The following ATAD3B variants were observed in gnomAD, a reference collection of about 807,000 sequenced individuals.
The protein encoded by ATAD3B is ATPase family AAA domain containing 3B.
Under a neutral mutation model 70.2 loss-of-function variants are expected in ATAD3B, and 59 were observed. The ratio of observed to expected loss-of-function variants is 0.84; its 90% CI spans 0.68 to 1.04. ATAD3B has a LOEUF of 1.04. Ranked by LOEUF, ATAD3B falls within the 50% of genes least tolerant of loss-of-function variation. The probability of loss-of-function intolerance (pLI) is 0.00; values close to 1 mark genes in which losing one functional copy is unlikely to be tolerated. For missense variants in ATAD3B, 961 were observed against 913.4 expected (o/e 1.05, Z -0.67); for synonymous variants, 423 against 388.6 (o/e 1.09, Z -1.04).
In ATAD3B at chr1:1,495,686, T is replaced by C. The variant is rs150201453; in HGVS notation, c.1816T>C (p.Cys606Arg). 1.8e-3 allele frequency: 2,881 copies of C among 1,612,988 alleles called. 22 individuals carry two copies. The highest frequency in any genetic ancestry group is 2.3e-3 in the Non-Finnish European group (2,704 of 1,179,346). Residue 606 changes from cysteine (C) to arginine (R), a missense_variant, in exon 16 of 16, where the codon TGC (cysteine) becomes CGC (arginine). Physicochemically the swap from Cys to Arg is radical, Grantham distance 180. Around this residue, in one of 4 missense-constraint regions of ATAD3B, gnomAD observed 417 missense variants for 335.0 expected, o/e 1.24. Transcript: ENST00000673477. ...WSLATDPSYPCLAGPCTFRIC... is the reference protein window; with the variant it reads ...WSLATDPSYPRLAGPCTFRIC... ...CCTGGCCACGGACCCCTCCTACCCC[T>C]GCCTTGCCGGCCCCTGCACATTTAG...
downstream of ATAD3B, among the ~76,000 whole-genome samples, chr1:1,500,537 G>A (rs1252300961): frequency 2.1e-5 from 3 of 142,692 alleles, no homozygotes; most frequent in Non-Finnish European, 4.5e-5. Flanking sequence ...CTGGGGGACA[G>A]AGCGAGACTC....
At chr1:1,505,070 G>A in the ATAD3B span, among the ~76,000 whole-genome samples, 2 of 152,134 alleles carry the variant, frequency 1.3e-5, no homozygotes, top group African/African-American at 2.4e-5. Context: ...AGCTGGGCCC[G>A]GGGAACCACT....
At position 1,495,574 on chromosome 1, in the gene ATAD3B, G is replaced by A. The variant is rs772948576; in HGVS notation, c.1704G>A (p.Lys568=). ...VQDAVQQYRQ[K]MRWLKAEGPG... ...ATGCTGTCCAGCAGTACCGACAGAA[G>A]ATGCGCTGGCTGAAGGCGGAGGGGC... Residue 568 remains lysine (K), a synonymous_variant, in exon 16 of 16, where the codon AAG becomes AAA. Transcript: ENST00000673477. 2.5e-6 allele frequency: 4 copies of A among 1,613,310 alleles called. No individual in the cohort carries two copies. The highest frequency in any genetic ancestry group is 1.7e-5 in the Admixed American group (1 of 59,996).
intron 4 of ATAD3B, among the ~76,000 whole-genome samples, 160 bp downstream of exon 4, chr1:1,479,268 A>G (rs1426129015): frequency 6.8e-6 from 1 of 147,380 alleles, no homozygotes; most frequent in Non-Finnish European, 1.5e-5. Context: ...GCACCAGCAC[A>G]CGTGTACAGG....
At chr1:1,489,350 C>T in intron 13 of ATAD3B, 76 bp downstream of exon 13, 1 of 1,603,658 alleles carries the variant, frequency 6.2e-7, no homozygotes, top group South Asian at 1.1e-5. Context: ...CTGAGGGTCC[C>T]TGGCTCACAG....
chr1:1,507,022 C>T, the ATAD3B span, among the ~76,000 whole-genome samples: 9 of 151,882 alleles, frequency 5.9e-5, no homozygotes, highest in Admixed American at 2.0e-4. Flanking sequence ...CCCCTGACTT[C>T]GTGATCTGCC....
chr1:1,480,780 G>C, intron 4 of ATAD3B, 87 bp from the exon 5 acceptor site: 1 of 1,578,070 alleles, frequency 6.3e-7, no homozygotes, highest in South Asian at 1.1e-5. Context: ...GAGTTCTGTG[G>C]TCCTGGGGCG....
At chr1:1,500,779 C>T (rs912829449), downstream of ATAD3B, among the ~76,000 whole-genome samples, 2 of 151,184 alleles carry the variant, frequency 1.3e-5, no homozygotes, top group African/African-American at 4.9e-5. Context: ...GGGTGAAACC[C>T]CGTCTCTACT....
downstream of ATAD3B, among the ~76,000 whole-genome samples, chr1:1,499,036 A>G (rs1006022639): frequency 6.7e-6 from 1 of 148,546 alleles, no homozygotes; most frequent in African/African-American, 2.5e-5. Context: ...CAGTGGCGCG[A>G]TCTCAGCTCA....
chr1:1,496,234 CG>C lies in ATAD3B; in HGVS notation c.*421del. The C allele has an allele frequency of 5.0e-6, 5 of 999,168 alleles. No individual in the cohort carries two copies. Among genetic ancestry groups the C allele is most frequent in the Non-Finnish European group, 6.0e-6 (5 of 839,102 alleles). The allele number at this position is 999,168 out of a possible 1,614,324, so 61.9% of individuals were successfully genotyped here. ...TGTCTCTCTATTGACTGACACTGCT[CG>C]GGGTTTCAGGGGCGCCCTAGCGTCC... On this transcript the variant is annotated 3_prime_UTR_variant, in exon 16 of 16. Coordinates refer to ENST00000673477, the MANE Select transcript of ATAD3B (RefSeq NM_031921.6).
chr1:1,494,366 C>T (rs1640674624), intron 15 of ATAD3B, among the ~76,000 whole-genome samples: 1 of 151,852 alleles, frequency 6.6e-6, no homozygotes, highest in African/African-American at 2.4e-5. Flanking sequence ...TGTTTGCCCT[C>T]TCTTGGGTGG....
chr1:1,477,580 T>C (rs1377520815), intron 2 of ATAD3B, among the ~76,000 whole-genome samples: 1 of 151,666 alleles, frequency 6.6e-6, no homozygotes, highest in Non-Finnish European at 1.5e-5. Flanking sequence ...CGTCTGGTCG[T>C]CCTGAGGGAG....
intron 6 of ATAD3B, 29 bp from the exon 7 acceptor site, chr1:1,482,516 T>C: frequency 6.2e-7 from 1 of 1,613,340 alleles, no homozygotes; most frequent in South Asian, 1.1e-5. Flanking sequence ...TTCGTGTCCT[T>C]CCTGGTCACA....
chr1:1,471,770 G>A lies in ATAD3B; in HGVS notation c.-115G>A, dbSNP rs1005171802. ...GCCGGGAGGAAGGGGTGTGTGTTTC[G>A]CCTGCGCAGTGGTCCTGGCCACCGG... On this transcript the variant is annotated 5_prime_UTR_variant, in exon 1 of 16. Coordinates refer to ENST00000673477, the MANE Select transcript of ATAD3B (RefSeq NM_031921.6). 2.5e-6 allele frequency: 3 copies of A among 1,204,296 alleles called. No homozygotes were observed. The Admixed American group carries it at 1.3e-4, about 52-fold the overall frequency. 74.6% of individuals were successfully genotyped at this position (1,204,296 alleles called of 1,614,324 possible).
chr1:1,489,778 C>T lies in ATAD3B; in HGVS notation c.1338-479C>T. On this transcript the variant is annotated intron_variant, in intron 13 of 15. Transcript: ENST00000673477. ...GCACGTTGGGCTCCTGGGTCAGCTGCTGCCGTTCGACGCTCCCTGGAGCCC... is the reference window on the plus strand; with the variant it reads ...GCACGTTGGGCTCCTGGGTCAGCTGTTGCCGTTCGACGCTCCCTGGAGCCC... 1.7e-5 allele frequency: 22 copies of T among 1,299,866 alleles called. No homozygotes were observed. In the South Asian group the frequency reaches 2.8e-4, roughly 16 times the overall value. 80.5% of individuals were successfully genotyped at this position (1,299,866 alleles called of 1,614,324 possible).
At chr1:1,499,075 C>T (rs1448295953), downstream of ATAD3B, among the ~76,000 whole-genome samples, 1 of 151,452 alleles carries the variant, frequency 6.6e-6, no homozygotes, top group Non-Finnish European at 1.5e-5. Flanking sequence ...GGGTTCACGC[C>T]ATTCTCCTGC....
intron 5 of ATAD3B, 100 bp from the exon 6 acceptor site, chr1:1,482,038 G>A (rs1480286895): frequency 3.3e-5 from 50 of 1,498,776 alleles, no homozygotes; most frequent in Admixed American, 1.8e-4. Context: ...TGGTCTGTCC[G>A]TGGCGTGGGC....
chr1:1,478,181 G>C (rs551638045), intron 2 of ATAD3B: 1 of 289,310 alleles, frequency 3.5e-6, no homozygotes, highest in East Asian at 7.4e-5. Flanking sequence ...ATTTTTAGTA[G>C]AGAAGGGGGT....
At chr1:1,509,375 C>A in the ATAD3B span, 2 of 1,605,120 alleles carry the variant, frequency 1.2e-6, no homozygotes, top group Non-Finnish European at 1.7e-6. Flanking sequence ...CCACACCTCA[C>A]GGAGCCTGGC....
Sources: gnomAD v4.1 joint callset for allele counts (sites outside exome capture counted in the v4.1 genomes callset) on GRCh38, gnomAD v4.1.1 for gene constraint, gnomAD v4.1.1 regional missense constraint, MANE v1.5 for transcripts, NCBI Gene and HGNC (gene_info 2026-07-23, HGNC 2026-07-21) for gene names.